Variants in PTP4A1 observed in about 807,000 individuals in gnomAD.
PTP4A1 encodes protein tyrosine phosphatase type IVA 1.
In PTP4A1, 9 loss-of-function variants were observed where a neutral mutation model predicts 20.5. The observed-to-expected ratio is 0.44, with a 90% CI of 0.26 to 0.77. The LOEUF (loss-of-function observed/expected upper bound fraction) is 0.77. Among genes scored for constraint, PTP4A1 ranks in the 30% least tolerant of loss-of-function variants. PTP4A1 has a pLI of 0.19. For missense variants in PTP4A1, 137 were observed against 218.8 expected, an observed-to-expected ratio of 0.63 and a Z score of 2.36; for synonymous variants, 78 against 67.4, an observed-to-expected ratio of 1.16 and a Z score of -0.77.
chr6:63,522,702 A>G (rs887438941), intron 1 of PTP4A1, among the ~76,000 whole-genome samples: 18 of 152,100 alleles, frequency 1.2e-4, no homozygotes, highest in Non-Finnish European at 2.6e-4. Context: ...CCTATTGCTC[A>G]TATGTTTACT....
chr6:63,544,533 C>A (rs1366396167), intron 2 of PTP4A1, among the ~76,000 whole-genome samples: 1 of 151,996 alleles, frequency 6.6e-6, no homozygotes, highest in South Asian at 2.1e-4. Flanking sequence ...ATCTAGTTGT[C>A]GAAGTAACAT....
chr6:63,570,327 T>A (rs571628570), upstream of PTP4A1, among the ~76,000 whole-genome samples: 1 of 152,304 alleles, frequency 6.6e-6, no homozygotes, highest in East Asian at 1.9e-4. Context: ...CAAGACTCCA[T>A]CTCAAATAAA....
At chr6:63,548,864 C>T in intron 2 of PTP4A1, 1 of 768,262 alleles carries the variant, frequency 1.3e-6, no homozygotes, top group East Asian at 2.4e-5. Flanking sequence ...CTAGCTTAGC[C>T]AAAGCGCCTT....
rs897781398 is a variant in PTP4A1 at position 63,583,227 on chromosome 6, T to C, written c.*3053T>C. 6.6e-5 allele frequency: 10 copies of C among 152,190 alleles called. No individual in the cohort carries two copies. The highest frequency in any genetic ancestry group is 2.4e-4 in the African/African-American group (10 of 41,460). The allele number at this position is 152,190 out of a possible 1,614,324, so 9.4% of individuals were successfully genotyped here. A position where few individuals can be genotyped will look rare whatever the true frequency, so the allele number is the denominator to read the frequency against. On this transcript the variant is annotated 3_prime_UTR_variant, in exon 6 of 6. Transcript: ENST00000626021. The stretch of plus-strand genomic sequence containing the variant: ...TTTCTTTTACATGTAAACAATGAAG[T>C]TATTTCAAAGTTAAGTTTTAAACAA...
intron 3 of PTP4A1, among the ~76,000 whole-genome samples, chr6:63,552,476 C>T (rs1478208933): frequency 3.9e-5 from 6 of 152,044 alleles, no homozygotes; most frequent in South Asian, 4.1e-4. Flanking sequence ...TTCTCCCATT[C>T]TGTAGGTTGC....
intron 3 of PTP4A1, among the ~76,000 whole-genome samples, chr6:63,552,829 A>G (rs1254220900): frequency 6.6e-6 from 1 of 152,164 alleles, no homozygotes; most frequent in Non-Finnish European, 1.5e-5. Context: ...AGGTTTGTCA[A>G]AGATCAGATG....
upstream of PTP4A1, among the ~76,000 whole-genome samples, chr6:63,570,684 A>G (rs1404879299): frequency 1.3e-5 from 2 of 152,252 alleles, no homozygotes; most frequent in East Asian, 3.8e-4. Context: ...ATTACATGAA[A>G]AAGTTTCACT....
intron 2 of PTP4A1, among the ~76,000 whole-genome samples, chr6:63,547,660 C>T (rs1776256599): frequency 6.6e-6 from 1 of 151,548 alleles, no homozygotes; most frequent in Non-Finnish European, 1.5e-5. Context: ...TGCCCACCAC[C>T]ACGCCTGGCT....
intron 2 of PTP4A1, among the ~76,000 whole-genome samples, chr6:63,546,649 T>C (rs142596170): frequency 7.9e-5 from 12 of 151,902 alleles, no homozygotes; most frequent in African/African-American, 2.9e-4. Context: ...GAGGTTGCAG[T>C]GAGCTGAGAT....
At chr6:63,558,177 C>G (rs1372103602) in intron 3 of PTP4A1, among the ~76,000 whole-genome samples, 1 of 152,012 alleles carries the variant, frequency 6.6e-6, no homozygotes, top group African/African-American at 2.4e-5. Flanking sequence ...GCCACATATG[C>G]ATTTTTAAAA....
intron 2 of PTP4A1, among the ~76,000 whole-genome samples, chr6:63,545,446 C>T (rs1331989506): frequency 6.6e-6 from 1 of 151,928 alleles, no homozygotes; most frequent in Admixed American, 6.6e-5. Flanking sequence ...CTTGTCTCTA[C>T]TAAAAATACA....
At chr6:63,517,630 A>T (rs1332957851), upstream of PTP4A1, among the ~76,000 whole-genome samples, 1 of 152,140 alleles carries the variant, frequency 6.6e-6, no homozygotes, top group Non-Finnish European at 1.5e-5. Context: ...ATCAACACAC[A>T]CACACATGCA....
At chr6:63,549,292 AC>A (rs1488418400) in intron 2 of PTP4A1, 1 of 754,058 alleles carries the variant, frequency 1.3e-6, no homozygotes, top group African/African-American at 1.7e-5. Flanking sequence ...ACTTTCAGCC[AC>A]TTACAGAGGA....
intron 1 of PTP4A1, chr6:63,573,730 T>C (rs551299714): frequency 3.9e-5 from 6 of 152,360 alleles, no homozygotes; most frequent in Non-Finnish European, 7.3e-5. Flanking sequence ...TCTAGTCTTG[T>C]CCTTTCTCTG....
chr6:63,539,100 C>T (rs1253000558), intron 2 of PTP4A1, among the ~76,000 whole-genome samples: 1 of 151,922 alleles, frequency 6.6e-6, no homozygotes, highest in East Asian at 1.9e-4. Flanking sequence ...ACCATGTTGG[C>T]CCATGCTGAT....
chr6:63,560,175 T>C (rs1234234350), intron 3 of PTP4A1, among the ~76,000 whole-genome samples: 2 of 151,560 alleles, frequency 1.3e-5, no homozygotes, highest in African/African-American at 4.8e-5. Context: ...CCGTCTCTAC[T>C]AAAAATACAA....
At chr6:63,528,561 C>CA (rs1775290761) in intron 2 of PTP4A1, among the ~76,000 whole-genome samples, 1 of 151,664 alleles carries the variant, frequency 6.6e-6, no homozygotes, top group Admixed American at 6.6e-5. Flanking sequence ...CTCATCTCTA[C>CA]AAAAAATATA....
At chr6:63,536,870 G>T (rs967679807) in intron 2 of PTP4A1, among the ~76,000 whole-genome samples, 4 of 151,960 alleles carry the variant, frequency 2.6e-5, no homozygotes, top group Non-Finnish European at 4.4e-5. Flanking sequence ...TAACATAAGG[G>T]TCCCCCTAAA....
intron 2 of PTP4A1, among the ~76,000 whole-genome samples, chr6:63,540,869 G>A (rs1775935323): frequency 6.6e-6 from 1 of 151,636 alleles, no homozygotes; most frequent in Non-Finnish European, 1.5e-5. Flanking sequence ...CGGTCTTGGT[G>A]GCGGTCACCT....
Sources: allele counts gnomAD v4.1 joint callset (sites outside exome capture counted in the v4.1 genomes callset), GRCh38; gene constraint gnomAD v4.1.1; transcripts MANE v1.5; gene names NCBI Gene and HGNC (gene_info 2026-07-23, HGNC 2026-07-21).